The following FOXO3 variants were observed in gnomAD, a reference collection of about 807,000 sequenced individuals.
FOXO3 encodes forkhead box protein O3.
In FOXO3, 4 loss-of-function variants were observed where a neutral mutation model predicts 41.9. The observed-to-expected ratio is 0.10, with a 90% CI of 0.05 to 0.22. FOXO3 has a LOEUF of 0.22. Among genes scored for constraint, FOXO3 ranks in the 10% least tolerant of loss-of-function variants. The pLI is 1.00. For missense variants in FOXO3, 534 were observed against 906.8 expected, an observed-to-expected ratio of 0.59 and a Z score of 5.28; for synonymous variants, 318 against 389.3, an observed-to-expected ratio of 0.82 and a Z score of 2.16.
chr6:108,631,408 A>G lies in FOXO3; in HGVS notation c.622-32047A>G, dbSNP rs547583322. Among the ~76,000 whole-genome samples, 5 of 152,218 alleles carry G rather than the reference A, an allele frequency of 3.3e-5. No homozygotes were observed. The East Asian group carries it at 9.6e-4, about 29-fold the overall frequency. On this transcript the variant is annotated intron_variant, in intron 1 of 2. Transcript: ENST00000406360. ...AGGGCCCTGACTTATACACTTGGTC[A>G]TTTCCACCTCTGGTCTACAGTTGCC...
intron 1 of FOXO3, among the ~76,000 whole-genome samples, chr6:108,588,834 T>C (rs1776657309): frequency 6.6e-6 from 1 of 152,192 alleles, no homozygotes; most frequent in Admixed American, 6.5e-5. Flanking sequence ...GTGCTGGGAT[T>C]ATTTTCTGCA....
chr6:108,645,756 G>A (rs1304616348), intron 1 of FOXO3, among the ~76,000 whole-genome samples: 4 of 152,066 alleles, frequency 2.6e-5, no homozygotes, highest in Admixed American at 1.3e-4. Flanking sequence ...AGTCTTTCTT[G>A]TTAGGTGTTT....
chr6:108,598,751 A>G (rs1172415729), intron 1 of FOXO3, among the ~76,000 whole-genome samples: 1 of 152,122 alleles, frequency 6.6e-6, no homozygotes, highest in East Asian at 1.9e-4. Flanking sequence ...CATTCATGAC[A>G]TTGGTTTGGC....
At chr6:108,660,059 CT>C (rs1476121694) in intron 1 of FOXO3, among the ~76,000 whole-genome samples, 2 of 152,184 alleles carry the variant, frequency 1.3e-5, no homozygotes, top group Non-Finnish European at 2.9e-5. Context: ...CTTCCAGAAT[CT>C]AACGCAGAGG....
intron 1 of FOXO3, among the ~76,000 whole-genome samples, chr6:108,592,909 C>T (rs1424005098): frequency 1.3e-5 from 2 of 152,138 alleles, no homozygotes; most frequent in Admixed American, 6.5e-5. Flanking sequence ...ACTCATTGCT[C>T]TCCAGTCTTT....
chr6:108,572,862 G>C (rs912973254), intron 1 of FOXO3, among the ~76,000 whole-genome samples: 2 of 152,150 alleles, frequency 1.3e-5, no homozygotes, highest in African/African-American at 4.8e-5. Context: ...ACAAGGAAAT[G>C]GTTCAGGAAG....
At chr6:108,592,862 A>C (rs1776766874) in intron 1 of FOXO3, among the ~76,000 whole-genome samples, 1 of 152,158 alleles carries the variant, frequency 6.6e-6, no homozygotes, top group South Asian at 2.1e-4. Flanking sequence ...GCACGTGGTA[A>C]TTGAGTGCTT....
intron 1 of FOXO3, among the ~76,000 whole-genome samples, chr6:108,582,778 C>T (rs1000728305): frequency 6.6e-6 from 1 of 152,040 alleles, no homozygotes; most frequent in Non-Finnish European, 1.5e-5. Context: ...GGCCAGTCCA[C>T]CTGCTGGGTC....
In FOXO3 at chr6:108,643,390, G is replaced by T. The variant is rs552680661; in HGVS notation, c.622-20065G>T. On this transcript the variant is annotated intron_variant, in intron 1 of 2. Transcript: ENST00000406360. ...AGTCAAGTACCTTAGGTTACTTAAT[G>T]TTGCTTGTTTTGAACCTTGAGGTCA... Among the ~76,000 whole-genome samples, 8 of 152,262 alleles carry T rather than the reference G, an allele frequency of 5.3e-5. No homozygotes were observed. The South Asian group carries it at 1.2e-3, about 24-fold the overall frequency.
At chr6:108,631,701 G>A (rs1319458924) in intron 1 of FOXO3, among the ~76,000 whole-genome samples, 2 of 151,966 alleles carry the variant, frequency 1.3e-5, no homozygotes, top group Non-Finnish European at 2.9e-5. Flanking sequence ...GAATAACATG[G>A]GCATATGCTT....
At chr6:108,589,155 A>G (rs991038675) in intron 1 of FOXO3, among the ~76,000 whole-genome samples, 3 of 152,248 alleles carry the variant, frequency 2.0e-5, no homozygotes, top group Admixed American at 2.0e-4. Context: ...TCCATGTTCC[A>G]GTTTTACTTA....
Position 108,650,379 on chromosome 6 carries a change from GC to G in FOXO3, c.622-13072del, listed in dbSNP as rs1656577386. 2.6e-5 allele frequency among the ~76,000 whole-genome samples: 4 copies of G among 152,210 alleles called. No individual in the cohort carries two copies. In the South Asian group the frequency reaches 8.3e-4, roughly 32 times the overall value. On this transcript the variant is annotated intron_variant, in intron 1 of 2. Coordinates refer to ENST00000406360, the MANE Select transcript of FOXO3 (RefSeq NM_001455.4). Reference sequence around the variant, plus strand: ...AAGAACTGTTTCCTACGTTCTTTTAGCCCCTGAGGCACCCAGTTATAGGAAT... The same window carrying G: ...AAGAACTGTTTCCTACGTTCTTTTAGCCCTGAGGCACCCAGTTATAGGAAT...
Position 108,641,281 on chromosome 6 carries a change from TAA to T in FOXO3, c.622-22173_622-22172del, listed in dbSNP as rs199701636. ...GATTTTCTTACTATGCCTTTAAACT[TAA>T]GTTACTGATTTTATTTAAAATATTT... is the stretch of plus-strand genomic sequence containing the variant. On this transcript the variant is annotated intron_variant, in intron 1 of 2. Transcript: ENST00000406360. Among the ~76,000 whole-genome samples the T allele has an allele frequency of 7.8e-3, 1,193 of 152,286 alleles. 14 individuals carry two copies. The highest frequency in any genetic ancestry group is 0.027 in the African/African-American group (1,130 of 41,546).
chr6:108,665,619 G>A (rs1034278775), intron 2 of FOXO3, among the ~76,000 whole-genome samples: 1 of 152,112 alleles, frequency 6.6e-6, no homozygotes, highest in Non-Finnish European at 1.5e-5. Flanking sequence ...CTAGGAGTCA[G>A]AGACCAGCAT....
Position 108,682,881 on chromosome 6 carries a change from AT to A in FOXO3, c.*3091del, listed in dbSNP as rs1368216422. The A allele has an allele frequency of 6.5e-6, 1 of 152,676 alleles. No homozygotes were observed. The highest frequency in any genetic ancestry group is 2.4e-5 in the African/African-American group (1 of 41,466). The allele number at this position is 152,676 out of a possible 1,614,324, so 9.5% of individuals were successfully genotyped here. On this transcript the variant is annotated 3_prime_UTR_variant, in exon 3 of 3. Coordinates refer to ENST00000406360, the MANE Select transcript of FOXO3 (RefSeq NM_001455.4). ...GGAGCCGCCTACTTTTTGATGAGAAATTAGAAGAGTACCTAATGTTGAAAAC... is the reference window on the plus strand; with the variant it reads ...GGAGCCGCCTACTTTTTGATGAGAAATAGAAGAGTACCTAATGTTGAAAAC...
intron 1 of FOXO3, among the ~76,000 whole-genome samples, chr6:108,574,152 CAAAA>C (rs1200932714): frequency 9.6e-5 from 7 of 72,796 alleles, no homozygotes; most frequent in Non-Finnish European, 2.0e-4. Context: ...GACTCTGTCT[CAAAA>C]AAAAAAAAAA....
At chr6:108,597,393 A>G (rs1776914919) in intron 1 of FOXO3, among the ~76,000 whole-genome samples, 1 of 152,214 alleles carries the variant, frequency 6.6e-6, no homozygotes. Flanking sequence ...TGAATGTGGA[A>G]GGCATCTTTC....
intron 1 of FOXO3, among the ~76,000 whole-genome samples, chr6:108,591,020 G>C (rs1562236410): frequency 6.6e-6 from 1 of 152,170 alleles, no homozygotes; most frequent in Non-Finnish European, 1.5e-5. Flanking sequence ...TTCTCATGTA[G>C]GTAGGCCTCA....
chr6:108,663,741 T>C lies in FOXO3; in HGVS notation c.908T>C (p.Leu303Pro), dbSNP rs1778947387. Residue 303 changes from leucine (L) to proline (P), a missense_variant, in exon 2 of 3, where the codon CTG becomes CCG. Coordinates refer to ENST00000406360, the MANE Select transcript of FOXO3 (RefSeq NM_001455.4). ...GSPTSRSSDE[L>P]DAWTDFRSRT... is the part of the protein sequence containing the mutation. ...CCCACGTCACGCAGCAGTGATGAGC[T>C]GGATGCGTGGACGGACTTCCGTTCA... 6.2e-7 allele frequency: 1 copy of C among 1,613,690 alleles called. No homozygotes were observed. Among genetic ancestry groups the C allele is most frequent in the South Asian group, 1.1e-5 (1 of 91,058 alleles).
Sources: gnomAD v4.1 joint callset for allele counts (sites outside exome capture counted in the v4.1 genomes callset) on GRCh38, gnomAD v4.1.1 for gene constraint, MANE v1.5 for transcripts, NCBI Gene and HGNC (gene_info 2026-07-23, HGNC 2026-07-21) for gene names.